Variants in CAMTA1 observed in about 807,000 individuals in gnomAD.
The protein encoded by CAMTA1 is calmodulin binding transcription activator 1, also known as calmodulin-binding transcription activator 1.
In CAMTA1, 27 loss-of-function variants were observed where a neutral mutation model predicts 170.9. The observed-to-expected ratio is 0.16, with a 90% CI of 0.12 to 0.22. The LOEUF (loss-of-function observed/expected upper bound fraction) is 0.22, where lower values mean the gene tolerates loss of function less well. CAMTA1 is among the 10% of genes least tolerant of loss of function. The probability of loss-of-function intolerance (pLI) is 1.00; values close to 1 mark genes in which losing one functional copy is unlikely to be tolerated. For synonymous variants in CAMTA1, 833 were observed against 891.5 expected (o/e 0.93, Z 1.17); for missense variants, 1,619 against 2,217.2 (o/e 0.73, Z 5.42).
chr1:6,827,744 T>A (rs182364240), intron 3 of CAMTA1, among the ~76,000 whole-genome samples: 1 of 152,318 alleles, frequency 6.6e-6, no homozygotes, highest in Admixed American at 6.5e-5. Flanking sequence ...TCATGCTAAA[T>A]CATATTTAGT....
At chr1:7,554,958 A>T (rs2094856680) in intron 6 of CAMTA1, among the ~76,000 whole-genome samples, 1 of 152,102 alleles carries the variant, frequency 6.6e-6, no homozygotes, top group South Asian at 2.1e-4. Flanking sequence ...AATGGAGGCG[A>T]GAACAAGACT....
chr1:7,049,991 TG>T (rs1335007245), intron 3 of CAMTA1, among the ~76,000 whole-genome samples: 10 of 151,808 alleles, frequency 6.6e-5, no homozygotes, highest in Admixed American at 6.6e-4. Context: ...AAGGAGGGAA[TG>T]GGGTCCAGCG....
chr1:7,713,379 C>T (rs567209439), intron 11 of CAMTA1, among the ~76,000 whole-genome samples: 1 of 152,270 alleles, frequency 6.6e-6, no homozygotes, highest in African/African-American at 2.4e-5. Context: ...GGGCTAGTTT[C>T]CTTCCCAAAC....
rs560989401 is a variant in CAMTA1 at position 7,582,334 on chromosome 1, C to T, written c.511-58066C>T. On this transcript the variant is annotated intron_variant, in intron 6 of 22. Transcript: ENST00000303635. ...TTTCCTAAATCCTCTCCTTCCCCCA[C>T]TCCTGAGGGCCTCAGTGCCCTGATT... 5.6e-4 allele frequency among the ~76,000 whole-genome samples: 86 copies of T among 152,316 alleles called. 2 individuals carry two copies. In the South Asian group the frequency reaches 0.015, roughly 26 times the overall value.
chr1:6,864,878 G>A (rs779126153), intron 3 of CAMTA1, among the ~76,000 whole-genome samples: 14 of 152,110 alleles, frequency 9.2e-5, no homozygotes, highest in Admixed American at 7.9e-4. Flanking sequence ...GACGTGCCTC[G>A]GCATGTCACT....
chr1:7,152,683 A>G (rs1406637764), intron 4 of CAMTA1, among the ~76,000 whole-genome samples: 1 of 152,190 alleles, frequency 6.6e-6, no homozygotes, highest in East Asian at 1.9e-4. Flanking sequence ...TCCACCTCCC[A>G]GGAGGCGCCT....
Position 7,682,136 on chromosome 1 carries a change from G to A in CAMTA1, c.2914+4403G>A, listed in dbSNP as rs1464775225. ...CGTGCAGCTCCCCTGGGCTTGGCTG[G>A]TCTCCTGGGCAGGCCCCCTTCTGGC... On this transcript the variant is annotated intron_variant, in intron 11 of 22. Coordinates refer to ENST00000303635, the MANE Select transcript of CAMTA1 (RefSeq NM_015215.4). The surrounding 1 kb of genome is among the most constrained non-coding windows in gnomAD (Gnocchi z 5.0). Among the ~76,000 whole-genome samples, 1 of 152,192 alleles carries A rather than the reference G, an allele frequency of 6.6e-6. No individual in the cohort carries two copies. Among genetic ancestry groups the A allele is most frequent in the Non-Finnish European group, 1.5e-5 (1 of 68,028 alleles).
intron 5 of CAMTA1, among the ~76,000 whole-genome samples, chr1:7,447,105 T>C (rs1193229): frequency 0.8 from 121,348 of 151,992 alleles, 49,611 homozygotes; most frequent in East Asian, 1. Context: ...GATGCCAGTG[T>C]GCCCCAACCC....
At chr1:7,108,017 T>C (rs1288890734) in intron 4 of CAMTA1, among the ~76,000 whole-genome samples, 3 of 152,164 alleles carry the variant, frequency 2.0e-5, no homozygotes, top group Non-Finnish European at 2.9e-5. Flanking sequence ...CATTTGACAA[T>C]GTCTGGAGAC....
intron 5 of CAMTA1, among the ~76,000 whole-genome samples, chr1:7,310,583 C>A (rs1340802556): frequency 1.7e-5 from 2 of 120,340 alleles, no homozygotes; most frequent in Admixed American, 7.8e-5. Flanking sequence ...CAAGATTTTT[C>A]TTTTTCTTTT....
chr1:7,302,398 T>G (rs1209930352), intron 5 of CAMTA1, among the ~76,000 whole-genome samples: 1 of 152,122 alleles, frequency 6.6e-6, no homozygotes, highest in Non-Finnish European at 1.5e-5. Flanking sequence ...TTTCCTGTCT[T>G]TTCATCCCCT....
At chr1:7,528,636 A>G (rs565302842) in intron 6 of CAMTA1, among the ~76,000 whole-genome samples, 16 of 152,098 alleles carry the variant, frequency 1.1e-4, no homozygotes, top group Non-Finnish European at 2.2e-4. Context: ...GGTCCTGGGA[A>G]AGATGGTGGC....
intron 5 of CAMTA1, among the ~76,000 whole-genome samples, chr1:7,284,238 C>G (rs1170841123): frequency 3.4e-5 from 5 of 148,296 alleles, no homozygotes; most frequent in Non-Finnish European, 5.9e-5. Flanking sequence ...GAGTCTTGCT[C>G]TGTCACCCAG....
intron 5 of CAMTA1, among the ~76,000 whole-genome samples, chr1:7,318,044 G>T (rs1464212271): frequency 6.6e-6 from 1 of 152,176 alleles, no homozygotes; most frequent in South Asian, 2.1e-4. Context: ...TGTGGAGCTA[G>T]CATGCTTGAA....
chr1:7,391,073 C>T (rs1029913855), intron 5 of CAMTA1, among the ~76,000 whole-genome samples: 11 of 152,228 alleles, frequency 7.2e-5, no homozygotes, highest in African/African-American at 2.6e-4. Flanking sequence ...TCTCGGCTCA[C>T]CGCAACCCCC....
At chr1:7,517,663 C>A (rs2094304994) in intron 6 of CAMTA1, among the ~76,000 whole-genome samples, 1 of 151,978 alleles carries the variant, frequency 6.6e-6, no homozygotes, top group East Asian at 1.9e-4. Context: ...TGAGCAGGGG[C>A]TGACGGCTGG....
At chr1:6,886,991 C>T (rs548938585) in intron 3 of CAMTA1, among the ~76,000 whole-genome samples, 3 of 152,088 alleles carry the variant, frequency 2.0e-5, no homozygotes, top group Non-Finnish European at 4.4e-5. Flanking sequence ...ATGAAACTGG[C>T]CCAGGAAGTA....
chr1:7,343,745 C>A (rs186340652), intron 5 of CAMTA1, among the ~76,000 whole-genome samples: 68 of 152,282 alleles, frequency 4.5e-4, no homozygotes, highest in African/African-American at 1.5e-3. Context: ...TAAATACTAC[C>A]TTGTTTACTT....
chr1:7,339,710 C>A (rs6659740), intron 5 of CAMTA1, among the ~76,000 whole-genome samples: 7,405 of 152,130 alleles, frequency 0.049, 610 homozygotes, highest in African/African-American at 0.17. Flanking sequence ...AATTCTCCTG[C>A]CTCAGCCTCC....
Sources: allele counts gnomAD v4.1 joint callset (sites outside exome capture counted in the v4.1 genomes callset), GRCh38; gene constraint gnomAD v4.1.1; non-coding constraint Gnocchi (gnomAD v3.1); transcripts MANE v1.5; gene names NCBI Gene and HGNC (gene_info 2026-07-23, HGNC 2026-07-21).